Variants in CYLD observed in about 807,000 individuals in gnomAD.
CYLD encodes the protein CYLD lysine 63 deubiquitinase, also known as ubiquitin carboxyl-terminal hydrolase CYLD.
CYLD carries 26 observed loss-of-function variants against 104.5 expected under a neutral mutation model. That is an observed-to-expected ratio of 0.25 (90% CI 0.18 to 0.35). The LOEUF (loss-of-function observed/expected upper bound fraction) is 0.35. CYLD is among the 10% of genes least tolerant of loss of function. The pLI is 1.00. For missense variants in CYLD, 703 were observed against 1,136.1 expected (o/e 0.62, Z 5.48); for synonymous variants, 385 against 399.9 (o/e 0.96, Z 0.45).
At chr16:50,742,166 C>A (rs1965712799) in intron 1 of CYLD, 42 bp downstream of exon 1, 1 of 151,782 alleles carries the variant, frequency 6.6e-6, no homozygotes, top group Admixed American at 6.6e-5. Flanking sequence ...GGGGCCGGCC[C>A]GGGACGCGGG....
In CYLD at chr16:50,796,581, C is replaced by A; in HGVS notation, c.*73C>A. On this transcript the variant is annotated 3_prime_UTR_variant, in exon 19 of 19. Transcript: ENST00000427738. Reference sequence around the variant, plus strand: ...TTGCATCTTATTCGAGCTGGCAGTTCTGTTCACGTCCATTGCCGGCAATGG... The same window carrying A: ...TTGCATCTTATTCGAGCTGGCAGTTATGTTCACGTCCATTGCCGGCAATGG... The A allele has an allele frequency of 6.8e-7, 1 of 1,478,924 alleles. No homozygotes were observed. The highest frequency in any genetic ancestry group is 9.3e-7 in the Non-Finnish European group (1 of 1,069,580). The allele number at this position is 1,478,924 out of a possible 1,614,324, so 91.6% of individuals were successfully genotyped here. A position where few individuals can be genotyped will look rare whatever the true frequency, so the allele number is the denominator to read the frequency against.
In CYLD at chr16:50,754,400, T is replaced by C; in HGVS notation, c.889T>C (p.Leu297=). Residue 297 remains leucine, a synonymous_variant, in exon 5 of 19, where the codon TTG becomes CTG. Transcript: ENST00000427738. ...SFACVESTIL[L]HINDIIPALS... is the part of the protein sequence containing the mutation. ...TGCGTGTGTTGAAAGTACAATTCTA[T>C]TGCACATCAATGATATCATCCCAGG... The C allele has an allele frequency of 6.2e-7, 1 of 1,610,926 alleles. No homozygotes were observed. The highest frequency in any genetic ancestry group is 1.1e-5 in the South Asian group (1 of 90,924).
rs1407428873 is a variant in CYLD, at chr16:50,801,053, T to G, written c.*4545T>G. Reference sequence around the variant, plus strand: ...AGAGACTAGGGTTTTAGACTGAGGCTTCCTGCAGGGTGTTCGCATTGCCCT... The same window carrying G: ...AGAGACTAGGGTTTTAGACTGAGGCGTCCTGCAGGGTGTTCGCATTGCCCT... On this transcript the variant is annotated 3_prime_UTR_variant, in exon 19 of 19. Transcript: ENST00000427738. The G allele has an allele frequency of 8.6e-6, 2 of 233,396 alleles. No homozygotes were observed. Among genetic ancestry groups the G allele is most frequent in the Non-Finnish European group, 1.7e-5 (2 of 118,122 alleles). The allele number at this position is 233,396 out of a possible 1,614,324, so 14.5% of individuals were successfully genotyped here.
At chr16:50,782,059 C>A (rs1324301737) in intron 10 of CYLD, among the ~76,000 whole-genome samples, 1 of 152,156 alleles carries the variant, frequency 6.6e-6, no homozygotes, top group Non-Finnish European at 1.5e-5. Flanking sequence ...ATTTGGGAAA[C>A]ATATTTTACT....
chr16:50,758,736 T>G (rs1169291285), intron 5 of CYLD, among the ~76,000 whole-genome samples: 1 of 152,076 alleles, frequency 6.6e-6, no homozygotes, highest in Non-Finnish European at 1.5e-5. Flanking sequence ...ACTGAGCAAC[T>G]GGTAGGCTGG....
intron 7 of CYLD, among the ~76,000 whole-genome samples, chr16:50,776,509 G>C (rs560792700): frequency 6.6e-6 from 1 of 152,160 alleles, no homozygotes; most frequent in East Asian, 1.9e-4. Flanking sequence ...TGTTTTGCTG[G>C]TCTATAATCA....
At chr16:50,795,160 A>G (rs1044196020) in intron 18 of CYLD, among the ~76,000 whole-genome samples, 1 of 152,130 alleles carries the variant, frequency 6.6e-6, no homozygotes, top group Non-Finnish European at 1.5e-5. Flanking sequence ...AAGGGGCTTG[A>G]GGTATTGTAG....
chr16:50,793,706 G>A (rs779287953), intron 17 of CYLD, 42 bp downstream of exon 17: 5 of 1,236,370 alleles, frequency 4.0e-6, no homozygotes, highest in Non-Finnish European at 6.0e-6. Flanking sequence ...TTGTTGAACA[G>A]TAACTTATTT....
At chr16:50,762,553 T>C (rs539620485) in intron 5 of CYLD, among the ~76,000 whole-genome samples, 1 of 152,350 alleles carries the variant, frequency 6.6e-6, no homozygotes, top group East Asian at 1.9e-4. Flanking sequence ...GTTTTCTTAA[T>C]GAATGTCTTG....
chr16:50,750,734 G>A (rs905967496), intron 3 of CYLD, among the ~76,000 whole-genome samples: 10 of 151,936 alleles, frequency 6.6e-5, no homozygotes, highest in Non-Finnish European at 1.0e-4. Flanking sequence ...AAACATGAAC[G>A]CTACCAGTTG....
chr16:50,758,047 T>G (rs1226513132), intron 5 of CYLD, among the ~76,000 whole-genome samples: 1 of 152,260 alleles, frequency 6.6e-6, no homozygotes, highest in East Asian at 1.9e-4. Flanking sequence ...TTCATTCTAG[T>G]GAGTGGAGAC....
chr16:50,782,509 G>A, intron 11 of CYLD, 43 bp downstream of exon 11: 5 of 1,604,310 alleles, frequency 3.1e-6, no homozygotes, highest in Admixed American at 1.7e-5. Context: ...AGTGCCATGA[G>A]GCAGGGACAC....
chr16:50,767,370 G>A (rs1034475933), intron 5 of CYLD, among the ~76,000 whole-genome samples: 13 of 152,176 alleles, frequency 8.5e-5, no homozygotes, highest in Middle Eastern at 3.4e-3. Flanking sequence ...AAACACTTGT[G>A]TGACTTGCTT....
Position 50,796,827 on chromosome 16 carries a change from G to C in CYLD, c.*319G>C. On this transcript the variant is annotated 3_prime_UTR_variant, in exon 19 of 19. Transcript: ENST00000427738. ...GAAGCATACAATTTTAATTGTGGAA[G>C]TTTAAAGCCTCTTTTAGTCCATTGA... 2 of 395,740 alleles carry C rather than the reference G, an allele frequency of 5.1e-6. No individual in the cohort carries two copies. The highest frequency in any genetic ancestry group is 9.4e-6 in the Non-Finnish European group (2 of 212,406). The allele number at this position is 395,740 out of a possible 1,614,324, so 24.5% of individuals were successfully genotyped here. A position where few individuals can be genotyped will look rare whatever the true frequency, so the allele number is the denominator to read the frequency against.
At chr16:50,770,914 T>C (rs1422148428) in intron 5 of CYLD, among the ~76,000 whole-genome samples, 3 of 152,228 alleles carry the variant, frequency 2.0e-5, no homozygotes, top group Non-Finnish European at 4.4e-5. Flanking sequence ...AATGTGTAGC[T>C]TGTCTTTTCA....
At chr16:50,791,999 A>G (rs1971478275) in intron 15 of CYLD, among the ~76,000 whole-genome samples, 1 of 152,226 alleles carries the variant, frequency 6.6e-6, no homozygotes, top group Admixed American at 6.5e-5. Flanking sequence ...ATTTTATGCA[A>G]GCATATTATC....
chr16:50,754,934 T>C (rs1396070678), intron 5 of CYLD, among the ~76,000 whole-genome samples: 3 of 147,846 alleles, frequency 2.0e-5, no homozygotes, highest in Non-Finnish European at 3.0e-5. Flanking sequence ...TATACACACA[T>C]ATGTATATAT....
At chr16:50,743,955 C>G (rs1965954622) in intron 2 of CYLD, among the ~76,000 whole-genome samples, 1 of 152,134 alleles carries the variant, frequency 6.6e-6, no homozygotes, top group Non-Finnish European at 1.5e-5. Flanking sequence ...GGTTTAATCC[C>G]TTAAACAGGA....
intron 5 of CYLD, among the ~76,000 whole-genome samples, chr16:50,773,254 T>C (rs1026617434): frequency 2.6e-5 from 4 of 152,262 alleles, no homozygotes; most frequent in East Asian, 3.8e-4. Context: ...TTTATTGTTA[T>C]GATTTCCTGC....
Sources: gnomAD v4.1 joint callset for allele counts (sites outside exome capture counted in the v4.1 genomes callset) on GRCh38, gnomAD v4.1.1 for gene constraint, MANE v1.5 for transcripts, NCBI Gene and HGNC (gene_info 2026-07-23, HGNC 2026-07-21) for gene names.